Variants in KPNA3 observed in about 807,000 individuals in gnomAD.
KPNA3 encodes karyopherin subunit alpha 3.
In KPNA3, 13 loss-of-function variants were observed where a neutral mutation model predicts 73.8. The ratio of observed to expected loss-of-function variants is 0.18; its 90% CI spans 0.11 to 0.28. The LOEUF (loss-of-function observed/expected upper bound fraction) is 0.28, where lower values mean the gene tolerates loss of function less well. Among genes scored for constraint, KPNA3 ranks in the 10% least tolerant of loss-of-function variants. The pLI is 1.00. For synonymous variants in KPNA3, 186 were observed against 206.9 expected, an observed-to-expected ratio of 0.90 and a Z score of 0.87; for missense variants, 360 against 618.1, an observed-to-expected ratio of 0.58 and a Z score of 4.43.
chr13:49,760,590 T>C (rs1217634388), intron 1 of KPNA3, among the ~76,000 whole-genome samples: 1 of 152,156 alleles, frequency 6.6e-6, no homozygotes, highest in African/African-American at 2.4e-5. Flanking sequence ...CTTGTAATAG[T>C]TGATTCCAGG....
intron 6 of KPNA3, among the ~76,000 whole-genome samples, chr13:49,726,914 C>A (rs915814232): frequency 1.3e-5 from 2 of 152,032 alleles, no homozygotes; most frequent in Non-Finnish European, 2.9e-5. Context: ...GATTGTGTCA[C>A]TGCACTCCAG....
chr13:49,729,742 T>C (rs923413923), intron 6 of KPNA3, among the ~76,000 whole-genome samples: 1 of 152,146 alleles, frequency 6.6e-6, no homozygotes, highest in Non-Finnish European at 1.5e-5. Context: ...ATTGTGCCAC[T>C]GCACTCCAGC....
At chr13:49,720,628 T>C (rs1461938452) in intron 9 of KPNA3, among the ~76,000 whole-genome samples, 3 of 150,106 alleles carry the variant, frequency 2.0e-5, no homozygotes, top group Admixed American at 6.7e-5. Context: ...TGGTGGCACA[T>C]GCCTGAGACA....
chr13:49,703,326 G>A (rs1461265230), intron 15 of KPNA3, among the ~76,000 whole-genome samples: 1 of 151,560 alleles, frequency 6.6e-6, no homozygotes, highest in Non-Finnish European at 1.5e-5. Flanking sequence ...GATTACAGGT[G>A]CCCACCACTA....
intron 10 of KPNA3, among the ~76,000 whole-genome samples, chr13:49,714,806 A>G (rs1298020673): frequency 6.6e-6 from 1 of 152,084 alleles, no homozygotes; most frequent in Admixed American, 6.5e-5. Flanking sequence ...TTTGTAATTA[A>G]TGTAAATTAT....
intron 1 of KPNA3, among the ~76,000 whole-genome samples, chr13:49,768,804 C>G (rs1399784894): frequency 2.0e-5 from 3 of 152,184 alleles, no homozygotes; most frequent in East Asian, 3.9e-4. Flanking sequence ...TAAAAACTGC[C>G]AAGAATTTGG....
At chr13:49,765,983 T>G (rs1035645558) in intron 1 of KPNA3, among the ~76,000 whole-genome samples, 1 of 152,170 alleles carries the variant, frequency 6.6e-6, no homozygotes, top group Non-Finnish European at 1.5e-5. Flanking sequence ...CCCCACATGT[T>G]CCTTAAGACA....
At chr13:49,716,128 GGCACC>G (rs1954302337) in intron 10 of KPNA3, among the ~76,000 whole-genome samples, 3 of 152,104 alleles carry the variant, frequency 2.0e-5, no homozygotes, top group Non-Finnish European at 4.4e-5. Context: ...CTGGGTGTTA[GGCACC>G]CTGAAACTGC....
rs756027747 is a variant in KPNA3 at position 49,701,335 on chromosome 13, T to C, written c.*465A>G. ...AATCTATTCTTCCACATAAAGAATA[T>C]GAAAATATGTTTGTGGAGGACAATG... On this transcript the variant is annotated 3_prime_UTR_variant, in exon 17 of 17. Coordinates refer to ENST00000261667, the MANE Select transcript of KPNA3 (RefSeq NM_002267.4). 25 of 219,976 alleles carry C rather than the reference T, an allele frequency of 1.1e-4. No individual in the cohort carries two copies. The highest frequency in any genetic ancestry group is 9.3e-4 in the Middle Eastern group (2 of 2,158). The allele number at this position is 219,976 out of a possible 1,614,324, so 13.6% of individuals were successfully genotyped here.
intron 1 of KPNA3, among the ~76,000 whole-genome samples, chr13:49,781,860 A>C (rs902503473): frequency 1.3e-5 from 2 of 152,222 alleles, no homozygotes; most frequent in African/African-American, 4.8e-5. Flanking sequence ...GGGTAAATTT[A>C]AGAAGAAATA....
intron 3 of KPNA3, 62 bp from the exon 4 acceptor site, chr13:49,732,838 G>A: frequency 1.5e-6 from 2 of 1,367,916 alleles, no homozygotes; most frequent in Admixed American, 2.0e-5. Flanking sequence ...TCATTAAACA[G>A]TGTACCTGAG....
chr13:49,735,112 A>G (rs1954510142), intron 2 of KPNA3, among the ~76,000 whole-genome samples: 1 of 152,204 alleles, frequency 6.6e-6, no homozygotes. Flanking sequence ...ATGGCACAAG[A>G]ACCATATTTA....
chr13:49,744,820 C>G (rs1954602972), intron 2 of KPNA3, among the ~76,000 whole-genome samples: 1 of 152,120 alleles, frequency 6.6e-6, no homozygotes, highest in Admixed American at 6.6e-5. Flanking sequence ...ATGTCAGGAA[C>G]TATATACTAT....
chr13:49,780,879 C>A (rs952094518), intron 1 of KPNA3, among the ~76,000 whole-genome samples: 1 of 151,942 alleles, frequency 6.6e-6, no homozygotes, highest in African/African-American at 2.4e-5. Flanking sequence ...CGCCACCACA[C>A]CCGGCTAATT....
chr13:49,732,879 G>T, intron 3 of KPNA3, 78 bp downstream of exon 3: 2 of 1,304,874 alleles, frequency 1.5e-6, no homozygotes, highest in Non-Finnish European at 2.2e-6. Flanking sequence ...TTATAAAGTT[G>T]GTCTTATATT....
chr13:49,744,320 C>T (rs909263322), intron 2 of KPNA3, among the ~76,000 whole-genome samples: 2 of 152,158 alleles, frequency 1.3e-5, no homozygotes, highest in Non-Finnish European at 2.9e-5. Context: ...ACCCAAAGAT[C>T]TGAAAGAACT....
At position 49,746,919 on chromosome 13, in the gene KPNA3, T is replaced by G. The variant is rs368148820; in HGVS notation, c.114+30A>C. ...AATTTTAACATCAGAAAAATCTAAT[T>G]ACTTTTCTTTAAATGTAAATCAACC... On this transcript the variant is annotated intron_variant, in intron 2 of 16. Coordinates refer to ENST00000261667, the MANE Select transcript of KPNA3 (RefSeq NM_002267.4). 2.0e-6 allele frequency: 3 copies of G among 1,534,070 alleles called. No individual in the cohort carries two copies. In the Admixed American group the frequency reaches 5.1e-5, roughly 26 times the overall value.
At position 49,701,640 on chromosome 13, in the gene KPNA3, T is replaced by C. The variant is rs1015151225; in HGVS notation, c.*160A>G. 1.7e-5 allele frequency: 13 copies of C among 760,538 alleles called. No homozygotes were observed. Among genetic ancestry groups the C allele is most frequent in the African/African-American group, 5.1e-5 (3 of 58,732 alleles). 47.1% of individuals were successfully genotyped at this position (760,538 alleles called of 1,614,324 possible). ...TTACAGTCCATGTGATAGTGACTTT[T>C]GGCAACTGCAAAGTGACTGAGACAT... On this transcript the variant is annotated 3_prime_UTR_variant, in exon 17 of 17. Coordinates refer to ENST00000261667, the MANE Select transcript of KPNA3 (RefSeq NM_002267.4).
intron 8 of KPNA3, 74 bp downstream of exon 8, chr13:49,722,403 G>A (rs938649765): frequency 8.5e-6 from 8 of 945,824 alleles, no homozygotes; most frequent in Non-Finnish European, 1.3e-5. Context: ...AGGAAACATA[G>A]TATGTAATGG....
Sources: gnomAD v4.1 joint callset for allele counts (sites outside exome capture counted in the v4.1 genomes callset) on GRCh38, gnomAD v4.1.1 for gene constraint, MANE v1.5 for transcripts, NCBI Gene and HGNC (gene_info 2026-07-23, HGNC 2026-07-21) for gene names.